CDKAL1: variants seen among roughly 807,000 people sequenced by gnomAD.
The protein encoded by CDKAL1 is threonylcarbamoyladenosine tRNA methylthiotransferase.
Under a neutral mutation model 68.2 loss-of-function variants are expected in CDKAL1, and 32 were observed. The ratio of observed to expected loss-of-function variants is 0.47; its 90% CI spans 0.35 to 0.63. The LOEUF (loss-of-function observed/expected upper bound fraction) is 0.63, where lower values mean the gene tolerates loss of function less well. Among genes scored for constraint, CDKAL1 ranks in the 30% least tolerant of loss-of-function variants. The probability of loss-of-function intolerance (pLI) is 0.00; values close to 1 mark genes in which losing one functional copy is unlikely to be tolerated. For synonymous variants in CDKAL1, 234 were observed against 244.3 expected (o/e 0.96, Z 0.39); for missense variants, 606 against 696.7 (o/e 0.87, Z 1.47).
intron 9 of CDKAL1, among the ~76,000 whole-genome samples, chr6:20,866,968 A>G (rs553026491): frequency 1.7e-4 from 26 of 152,310 alleles, no homozygotes; most frequent in African/African-American, 6.3e-4. Context: ...AGCAAGCTGT[A>G]TGTGACATTT....
At chr6:20,831,893 A>C (rs1313729716) in intron 8 of CDKAL1, among the ~76,000 whole-genome samples, 1 of 152,110 alleles carries the variant, frequency 6.6e-6, no homozygotes, top group African/African-American at 2.4e-5. Flanking sequence ...GCATCTTCTC[A>C]TGTAGTTGTA....
intron 9 of CDKAL1, among the ~76,000 whole-genome samples, chr6:20,913,968 G>T (rs9460575): frequency 0.59 from 90,135 of 151,872 alleles, 26,768 homozygotes; most frequent in Middle Eastern, 0.65. Context: ...TCCAGGCTGG[G>T]TGACAAAACA....
intron 8 of CDKAL1, among the ~76,000 whole-genome samples, chr6:20,839,789 T>A (rs1004695862): frequency 6.6e-6 from 1 of 152,212 alleles, no homozygotes; most frequent in African/African-American, 2.4e-5. Flanking sequence ...TGTATTTTAC[T>A]GGATACCTTT....
intron 5 of CDKAL1, among the ~76,000 whole-genome samples, chr6:20,724,935 C>A (rs1772574112): frequency 6.6e-6 from 1 of 152,118 alleles, no homozygotes; most frequent in Admixed American, 6.5e-5. Context: ...CCTTCCCTAC[C>A]CCAGAATGTA....
At chr6:20,635,684 C>T (rs934538140) in intron 4 of CDKAL1, among the ~76,000 whole-genome samples, 2 of 152,110 alleles carry the variant, frequency 1.3e-5, no homozygotes, top group African/African-American at 4.8e-5. Context: ...AGTGGGTCTC[C>T]CCAGCCCTTA....
chr6:21,172,019 C>T (rs547309910), intron 13 of CDKAL1, among the ~76,000 whole-genome samples: 2 of 152,250 alleles, frequency 1.3e-5, no homozygotes, highest in East Asian at 1.9e-4. Context: ...TCATGGAAAC[C>T]GTGAACCTTC....
chr6:21,208,295 A>T (rs1490010624), intron 15 of CDKAL1, among the ~76,000 whole-genome samples: 1 of 152,180 alleles, frequency 6.6e-6, no homozygotes, highest in Non-Finnish European at 1.5e-5. Context: ...ACTGAGTTTT[A>T]TGTACAAACT....
intron 4 of CDKAL1, among the ~76,000 whole-genome samples, chr6:20,575,011 A>G (rs1332641848): frequency 6.6e-6 from 1 of 152,176 alleles, no homozygotes; most frequent in African/African-American, 2.4e-5. Flanking sequence ...CCAGATGAGT[A>G]GTTTATTTCA....
chr6:20,590,642 A>G (rs1214034494), intron 4 of CDKAL1, among the ~76,000 whole-genome samples: 1 of 152,270 alleles, frequency 6.6e-6, no homozygotes, highest in African/African-American at 2.4e-5. Flanking sequence ...TTTGCTGAGA[A>G]TGATGGTTTC....
At chr6:20,545,872 ATACTT>A (rs1055781752) in intron 2 of CDKAL1, among the ~76,000 whole-genome samples, 3 of 152,264 alleles carry the variant, frequency 2.0e-5, no homozygotes, top group East Asian at 1.9e-4. Flanking sequence ...TATAAGGACA[ATACTT>A]TATATCGAAT....
At chr6:20,699,145 G>A (rs965351950) in intron 5 of CDKAL1, among the ~76,000 whole-genome samples, 6 of 151,888 alleles carry the variant, frequency 4.0e-5, no homozygotes, top group Non-Finnish European at 7.4e-5. Flanking sequence ...TAAGGATATT[G>A]AGCAATATGT....
chr6:20,969,894 T>C (rs774912131), intron 10 of CDKAL1, among the ~76,000 whole-genome samples: 6 of 152,130 alleles, frequency 3.9e-5, no homozygotes, highest in Non-Finnish European at 5.9e-5. Flanking sequence ...CTAGGAAATA[T>C]GTCAGTGTTT....
At chr6:20,813,045 T>A (rs1776889203) in intron 8 of CDKAL1, among the ~76,000 whole-genome samples, 1 of 152,192 alleles carries the variant, frequency 6.6e-6, no homozygotes, top group Non-Finnish European at 1.5e-5. Flanking sequence ...AGTGCAATTT[T>A]AATTTGGATT....
chr6:20,899,641 G>A (rs1201378438), intron 9 of CDKAL1, among the ~76,000 whole-genome samples: 1 of 152,044 alleles, frequency 6.6e-6, no homozygotes, highest in African/African-American at 2.4e-5. Flanking sequence ...TAAGGAGTTC[G>A]AGACCAGCCT....
intron 11 of CDKAL1, among the ~76,000 whole-genome samples, chr6:21,004,890 AG>A (rs1176393864): frequency 1.3e-5 from 2 of 152,170 alleles, no homozygotes; most frequent in Non-Finnish European, 2.9e-5. Context: ...GGAGCCTGGA[AG>A]TTGGAAGTTA....
chr6:21,222,946 T>C (rs1779590100), intron 15 of CDKAL1, among the ~76,000 whole-genome samples: 1 of 152,148 alleles, frequency 6.6e-6, no homozygotes, highest in African/African-American at 2.4e-5. Context: ...TGTGTGCATG[T>C]GTGTGTTCAG....
chr6:20,927,468 G>C (rs116745621), intron 9 of CDKAL1, among the ~76,000 whole-genome samples: 2,215 of 152,262 alleles, frequency 0.015, 57 homozygotes, highest in African/African-American at 0.05. Flanking sequence ...ACCGTTTACA[G>C]TTGTATTGCC....
intron 9 of CDKAL1, among the ~76,000 whole-genome samples, chr6:20,941,952 A>G (rs1170486429): frequency 6.6e-6 from 1 of 152,232 alleles, no homozygotes; most frequent in African/African-American, 2.4e-5. Flanking sequence ...GCAAGAGGAT[A>G]ACTAACATAC....
intron 11 of CDKAL1, among the ~76,000 whole-genome samples, chr6:21,032,840 G>C (rs1159780575): frequency 6.6e-6 from 1 of 152,128 alleles, no homozygotes; most frequent in Non-Finnish European, 1.5e-5. Flanking sequence ...ACCTGTCTCA[G>C]AAACGTAGCC....
Sources: allele counts gnomAD v4.1 joint callset (sites outside exome capture counted in the v4.1 genomes callset), GRCh38; gene constraint gnomAD v4.1.1; transcripts MANE v1.5; gene names NCBI Gene and HGNC (gene_info 2026-07-23, HGNC 2026-07-21).